The following HPSE2 variants were observed in gnomAD, a reference collection of about 807,000 sequenced individuals.
HPSE2 encodes the protein inactive heparanase-2.
A neutral mutation model predicts 60.5 loss-of-function variants in HPSE2; 38 were observed. The observed-to-expected ratio is 0.63, with a 90% CI of 0.48 to 0.82. The LOEUF (loss-of-function observed/expected upper bound fraction) is 0.82. Ranked by LOEUF, HPSE2 falls within the 40% of genes least tolerant of loss-of-function variation. The probability of loss-of-function intolerance (pLI) is 0.00; values close to 1 mark genes in which losing one functional copy is unlikely to be tolerated. For missense variants in HPSE2, 713 were observed against 740.4 expected, an observed-to-expected ratio of 0.96 and a Z score of 0.43; for synonymous variants, 295 against 293.2, an observed-to-expected ratio of 1.01 and a Z score of -0.06.
chr10:98,576,885 T>C (rs1257893568), intron 9 of HPSE2, among the ~76,000 whole-genome samples: 1 of 152,088 alleles, frequency 6.6e-6, no homozygotes, highest in Middle Eastern at 3.2e-3. Context: ...CACAGTAATA[T>C]ATTCACATGG....
chr10:99,238,304 AC>A (rs1849903227), upstream of HPSE2, among the ~76,000 whole-genome samples: 1 of 152,212 alleles, frequency 6.6e-6, no homozygotes, highest in African/African-American at 2.4e-5. Context: ...TATTCTTGTG[AC>A]CAAGAATGAA....
the HPSE2 span, among the ~76,000 whole-genome samples, chr10:99,268,583 T>C: frequency 6.7e-6 from 1 of 150,242 alleles, no homozygotes; most frequent in African/African-American, 2.5e-5. Flanking sequence ...GAGACAGAGG[T>C]TGCAGTGAGC....
At position 98,937,694 on chromosome 10, in the gene HPSE2, C is replaced by T. The variant is rs1299889743; in HGVS notation, c.611-193638G>A. Among the ~76,000 whole-genome samples, 3 of 142,220 alleles carry T rather than the reference C, an allele frequency of 2.1e-5. 1 individual carries two copies. Among genetic ancestry groups the T allele is most frequent in the African/African-American group, 8.7e-5 (3 of 34,446 alleles). The allele number at this position is 142,220 out of a possible 152,430, so 93.3% of individuals were successfully genotyped here. Reference sequence around the variant, plus strand: ...AACAAAAAGACAGCAGTAACCTCTGCAGACTTAAATGTCCCTGTCTGACAG... The same window carrying T: ...AACAAAAAGACAGCAGTAACCTCTGTAGACTTAAATGTCCCTGTCTGACAG... On this transcript the variant is annotated intron_variant, in intron 3 of 11. Coordinates refer to ENST00000370552, the MANE Select transcript of HPSE2 (RefSeq NM_021828.5).
At chr10:99,064,123 C>T (rs780201034) in intron 3 of HPSE2, among the ~76,000 whole-genome samples, 8 of 151,962 alleles carry the variant, frequency 5.3e-5, no homozygotes, top group Middle Eastern at 3.4e-3. Flanking sequence ...GAAAAAGGTC[C>T]GGAAGTTTAT....
intron 3 of HPSE2, among the ~76,000 whole-genome samples, chr10:98,775,229 A>G (rs1242951432): frequency 1.3e-5 from 2 of 152,226 alleles, no homozygotes; most frequent in African/African-American, 4.8e-5. Flanking sequence ...AGAAACACAC[A>G]TGTGCACATG....
rs190824227 is a variant in HPSE2, at chr10:99,193,923, C to T, written c.448+38425G>A. Among the ~76,000 whole-genome samples the T allele has an allele frequency of 4.6e-5, 7 of 152,182 alleles. No homozygotes were observed. In the East Asian group the frequency reaches 1.4e-3, roughly 29 times the overall value. ...ACAAAGAAATACTGGATTTAATCTG[C>T]ACTAGAGACCCAATGGATCTAATGA... On this transcript the variant is annotated intron_variant, in intron 2 of 11. Transcript: ENST00000370552.
intron 6 of HPSE2, among the ~76,000 whole-genome samples, chr10:98,671,699 T>C (rs1028605115): frequency 2.0e-5 from 3 of 152,142 alleles, no homozygotes; most frequent in African/African-American, 7.2e-5. Flanking sequence ...AAGAAGGAAA[T>C]TCCAATTCGA....
chr10:99,014,392 T>G (rs1957087949), intron 3 of HPSE2, among the ~76,000 whole-genome samples: 1 of 152,238 alleles, frequency 6.6e-6, no homozygotes, highest in Non-Finnish European at 1.5e-5. Flanking sequence ...TCTTTGCTAT[T>G]GTGAATAGTG....
chr10:99,311,952 T>G, the HPSE2 span, among the ~76,000 whole-genome samples: 1 of 152,206 alleles, frequency 6.6e-6, no homozygotes, highest in Admixed American at 6.5e-5. Context: ...AAAGTTTTAG[T>G]GGTCTAGATA....
At chr10:98,641,998 A>G in intron 6 of HPSE2, 58 bp from the exon 7 acceptor site, 1 of 1,400,046 alleles carries the variant, frequency 7.1e-7, no homozygotes, top group Non-Finnish European at 1.0e-6. Context: ...TTATAAATAC[A>G]CTTCTCTAGC....
chr10:98,837,508 A>C (rs915052184), intron 3 of HPSE2, among the ~76,000 whole-genome samples: 1 of 152,224 alleles, frequency 6.6e-6, no homozygotes, highest in Non-Finnish European at 1.5e-5. Flanking sequence ...CAAAGATCAA[A>C]TTTAGAACAA....
intron 3 of HPSE2, chr10:99,048,072 C>G: frequency 2.6e-6 from 2 of 757,356 alleles, no homozygotes; most frequent in Non-Finnish European, 4.5e-6. Flanking sequence ...TGGGGGTACC[C>G]AAATATGAAG....
At chr10:99,107,610 G>A (rs558949599) in intron 3 of HPSE2, among the ~76,000 whole-genome samples, 4 of 151,982 alleles carry the variant, frequency 2.6e-5, no homozygotes, top group Non-Finnish European at 5.9e-5. Context: ...TGTTTAGTGA[G>A]CTACCCTGGA....
intron 2 of HPSE2, among the ~76,000 whole-genome samples, chr10:99,146,474 CCCTTTAGT>C (rs1166462465): frequency 6.6e-6 from 1 of 152,186 alleles, no homozygotes; most frequent in Non-Finnish European, 1.5e-5. Context: ...CTCAGTTTTT[CCCTTTAGT>C]CCTTTAGTCC....
At chr10:98,716,513 T>C (rs1485415976) in intron 5 of HPSE2, among the ~76,000 whole-genome samples, 1 of 152,032 alleles carries the variant, frequency 6.6e-6, no homozygotes, top group African/African-American at 2.4e-5. Flanking sequence ...ATCACAAATG[T>C]TCATAATGGC....
At chr10:98,703,910 C>A (rs953075317) in intron 5 of HPSE2, among the ~76,000 whole-genome samples, 23 of 152,080 alleles carry the variant, frequency 1.5e-4, no homozygotes, top group African/African-American at 5.6e-4. Context: ...ATTGGAAATT[C>A]TGGACAGACA....
At chr10:98,778,005 G>GC (rs1407925713) in intron 3 of HPSE2, among the ~76,000 whole-genome samples, 6 of 151,934 alleles carry the variant, frequency 3.9e-5, no homozygotes, top group African/African-American at 4.8e-5. Context: ...CCATGATTCT[G>GC]CTTGCTATGA....
intron 9 of HPSE2, among the ~76,000 whole-genome samples, chr10:98,569,636 CT>C (rs1944441862): frequency 6.6e-6 from 1 of 152,122 alleles, no homozygotes; most frequent in African/African-American, 2.4e-5. Flanking sequence ...CCCATGAAGC[CT>C]TTCTTGGTCT....
chr10:99,164,227 TTATATATATATATA>T (rs60497589), intron 2 of HPSE2, among the ~76,000 whole-genome samples: 2,010 of 33,842 alleles, frequency 0.059, 53 homozygotes, highest in African/African-American at 0.068. Flanking sequence ...TATTCAAGCA[TTATATATATATATA>T]TATATATATA....
Sources: gnomAD v4.1 joint callset for allele counts (sites outside exome capture counted in the v4.1 genomes callset) on GRCh38, gnomAD v4.1.1 for gene constraint, MANE v1.5 for transcripts, NCBI Gene and HGNC (gene_info 2026-07-23, HGNC 2026-07-21) for gene names.